SNTB2: variants seen among roughly 807,000 people sequenced by gnomAD.
SNTB2 encodes the protein beta-2-syntrophin.
Under a neutral mutation model 46.2 loss-of-function variants are expected in SNTB2, and 34 were observed. The observed-to-expected ratio is 0.74, with a 90% CI of 0.56 to 0.98. The LOEUF (loss-of-function observed/expected upper bound fraction) is 0.98. Ranked by LOEUF, SNTB2 falls within the 50% of genes least tolerant of loss-of-function variation. The pLI is 0.00. For synonymous variants in SNTB2, 290 were observed against 312.6 expected (o/e 0.93, Z 0.76); for missense variants, 603 against 731.4 (o/e 0.82, Z 2.02).
chr16:69,274,043 G>A (rs1277076811), intron 4 of SNTB2, among the ~76,000 whole-genome samples: 2 of 152,206 alleles, frequency 1.3e-5, no homozygotes, highest in African/African-American at 4.8e-5. Context: ...GCCAGGTGCA[G>A]TGGTTCACGC....
intron 2 of SNTB2, among the ~76,000 whole-genome samples, chr16:69,258,204 T>C (rs1964796859): frequency 6.6e-6 from 1 of 152,234 alleles, no homozygotes; most frequent in African/African-American, 2.4e-5. Context: ...CATTGGCAGT[T>C]TGTCAATTTG....
At chr16:69,259,602 CTT>C (rs746479723) in intron 2 of SNTB2, among the ~76,000 whole-genome samples, 19 of 120,600 alleles carry the variant, frequency 1.6e-4, no homozygotes, top group Admixed American at 2.7e-4. Flanking sequence ...GAGAAAGTAT[CTT>C]TTTTTTTTTT....
At chr16:69,252,589 T>A (rs1053600331) in intron 2 of SNTB2, among the ~76,000 whole-genome samples, 2 of 152,222 alleles carry the variant, frequency 1.3e-5, no homozygotes, top group African/African-American at 4.8e-5. Context: ...AATTATATGA[T>A]TATTACTAAG....
At chr16:69,279,860 A>ATTT (rs1567413492) in intron 4 of SNTB2, among the ~76,000 whole-genome samples, 5 of 143,982 alleles carry the variant, frequency 3.5e-5, no homozygotes, top group African/African-American at 1.3e-4. Context: ...TTAATTAATT[A>ATTT]ATTAATTAAT....
intron 1 of SNTB2, among the ~76,000 whole-genome samples, chr16:69,210,217 A>G (rs1964267209): frequency 6.6e-6 from 1 of 151,126 alleles, no homozygotes; most frequent in Non-Finnish European, 1.5e-5. Context: ...AGAAATGTAA[A>G]AAAATGTATT....
chr16:69,243,892 TTTA>T (rs1361291804), intron 1 of SNTB2, among the ~76,000 whole-genome samples: 3 of 152,214 alleles, frequency 2.0e-5, no homozygotes, highest in Non-Finnish European at 2.9e-5. Context: ...TGTTATATTT[TTTA>T]TTATTATACT....
At chr16:69,258,394 TC>T (rs1156437510) in intron 2 of SNTB2, among the ~76,000 whole-genome samples, 1 of 152,104 alleles carries the variant, frequency 6.6e-6, no homozygotes, top group African/African-American at 2.4e-5. Context: ...AATAATTTTT[TC>T]AATGTATATT....
At chr16:69,213,824 T>A (rs1964316189) in intron 1 of SNTB2, among the ~76,000 whole-genome samples, 1 of 135,104 alleles carries the variant, frequency 7.4e-6, no homozygotes, top group East Asian at 2.1e-4. Flanking sequence ...TTAGAGTTCT[T>A]TTTTTTTTTT....
intron 5 of SNTB2, among the ~76,000 whole-genome samples, chr16:69,292,836 CG>C (rs1266405577): frequency 6.6e-6 from 1 of 151,882 alleles, no homozygotes; most frequent in Non-Finnish European, 1.5e-5. Context: ...AAATTACTAT[CG>C]GGGAGCTTCT....
intron 1 of SNTB2, among the ~76,000 whole-genome samples, chr16:69,204,759 C>T (rs1023091290): frequency 6.6e-6 from 1 of 152,166 alleles, no homozygotes; most frequent in Non-Finnish European, 1.5e-5. Flanking sequence ...ACCATCTATC[C>T]CAATTGCATA....
chr16:69,222,159 G>A (rs1292760533), intron 1 of SNTB2, among the ~76,000 whole-genome samples: 5 of 152,066 alleles, frequency 3.3e-5, no homozygotes, highest in Non-Finnish European at 5.9e-5. Flanking sequence ...ATCTCATACC[G>A]CAAGTTCCTT....
At position 69,245,793 on chromosome 16, in the gene SNTB2, A is replaced by C. The variant is rs1475750359; in HGVS notation, c.772A>C (p.Ser258Arg). The C allele has an allele frequency of 1.2e-6, 2 of 1,613,928 alleles. No homozygotes were observed. Among genetic ancestry groups the C allele is most frequent in the Admixed American group, 3.3e-5 (2 of 59,970 alleles). Residue 258 changes from serine (S) to arginine (R), a missense_variant, in exon 2 of 7, where the codon AGC becomes CGC. Ser to Arg is a moderately radical substitution (Grantham distance 110, BLOSUM62 -1). Transcript: ENST00000336278. ...LKMCFAARNL[S>R]MPDLENRLIE... ...AATGTGCTTTGCTGCTAGAAACCTA[A>C]GCATGCCGGATCTGGAAAACAGGTG... is the stretch of plus-strand genomic sequence containing the variant.
intron 1 of SNTB2, among the ~76,000 whole-genome samples, chr16:69,206,108 C>T (rs75389941): frequency 0.023 from 3,506 of 152,154 alleles, 138 homozygotes; most frequent in African/African-American, 0.08. Flanking sequence ...GAGATTTTCC[C>T]GCCTTAGCCT....
chr16:69,194,173 T>A (rs1964082603), intron 1 of SNTB2, among the ~76,000 whole-genome samples: 1 of 152,248 alleles, frequency 6.6e-6, no homozygotes, highest in Non-Finnish European at 1.5e-5. Context: ...TAGCAAGTGC[T>A]ATGCTTAATT....
intron 1 of SNTB2, among the ~76,000 whole-genome samples, chr16:69,201,127 G>A (rs1467530505): frequency 6.6e-6 from 1 of 152,204 alleles, no homozygotes; most frequent in African/African-American, 2.4e-5. Context: ...TAGGAAAACA[G>A]CATCCTGGCT....
chr16:69,221,731 A>G (rs1964407317), intron 1 of SNTB2, among the ~76,000 whole-genome samples: 1 of 152,208 alleles, frequency 6.6e-6, no homozygotes, highest in Admixed American at 6.5e-5. Context: ...AGCCCAGATA[A>G]TGCCACTGTA....
At position 69,298,899 on chromosome 16, in the gene SNTB2, C is replaced by T. The variant is rs540372289; in HGVS notation, c.1346-691C>T. ...CTTTTCTTGACTTTGGCCTCATTCA[C>T]TTTGGTGTTTGCTCATGTTCTGTAC... is the stretch of plus-strand genomic sequence containing the variant. On this transcript the variant is annotated intron_variant, in intron 5 of 6. Transcript: ENST00000336278. 2.0e-5 allele frequency among the ~76,000 whole-genome samples: 3 copies of T among 152,270 alleles called. No individual in the cohort carries two copies. In the East Asian group the frequency reaches 5.8e-4, roughly 29 times the overall value.
In SNTB2 at chr16:69,284,032, C is replaced by T; in HGVS notation, c.1149-16C>T. The T allele has an allele frequency of 6.3e-7, 1 of 1,584,192 alleles. No homozygotes were observed. Among genetic ancestry groups the T allele is most frequent in the African/African-American group, 1.3e-5 (1 of 74,176 alleles). On this transcript the variant is annotated splice_polypyrimidine_tract_variant and intron_variant, in intron 4 of 6. Transcript: ENST00000336278. ...AATGTAGTTACTTTTGATCTCTGCTCTGTTTGTGGTCCTAGGTTGGTTCAT... is the reference window on the plus strand; with the variant it reads ...AATGTAGTTACTTTTGATCTCTGCTTTGTTTGTGGTCCTAGGTTGGTTCAT...
chr16:69,253,624 G>C (rs769240584), intron 2 of SNTB2, among the ~76,000 whole-genome samples: 10 of 152,154 alleles, frequency 6.6e-5, no homozygotes, highest in Non-Finnish European at 1.3e-4. Context: ...ACTCCAGCCT[G>C]GGCGACAGAG....
Sources: gnomAD v4.1 joint callset for allele counts (sites outside exome capture counted in the v4.1 genomes callset) on GRCh38, gnomAD v4.1.1 for gene constraint, MANE v1.5 for transcripts, NCBI Gene and HGNC (gene_info 2026-07-23, HGNC 2026-07-21) for gene names.